TEX264: variants seen among roughly 807,000 people sequenced by gnomAD.
The protein encoded by TEX264 is testis-expressed protein 264.
In TEX264, 13 loss-of-function variants were observed where a neutral mutation model predicts 23.4. The observed-to-expected ratio is 0.56, with a 90% confidence interval of 0.36 to 0.88. The LOEUF is 0.88. Among genes scored for constraint, TEX264 ranks in the 40% least tolerant of loss-of-function variants. The pLI is 0.01. For missense variants in TEX264, 340 were observed against 406.8 expected (o/e 0.84, Z 1.41); for synonymous variants, 159 against 170.0 (o/e 0.94, Z 0.50).
chr3:51,687,297 C>G (rs749716054), intron 3 of TEX264, among the ~76,000 whole-genome samples: 1 of 152,178 alleles, frequency 6.6e-6, no homozygotes, highest in South Asian at 2.1e-4. Context: ...CCTGACCTTG[C>G]GTCTTGGGGA....
chr3:51,679,023 GACAGGTCTGGAAGC>G (rs1702329619), intron 2 of TEX264, among the ~76,000 whole-genome samples: 1 of 152,180 alleles, frequency 6.6e-6, no homozygotes, highest in Non-Finnish European at 1.5e-5. Flanking sequence ...AACTATGTGG[GACAGGTCTGGAAGC>G]ACGAGCTCCT....
intron 1 of TEX264, among the ~76,000 whole-genome samples, chr3:51,672,634 G>A (rs1304106216): frequency 6.6e-6 from 1 of 152,176 alleles, no homozygotes; most frequent in East Asian, 1.9e-4. Flanking sequence ...TCACCAGAGA[G>A]GAGAGAGAAA....
intron 1 of TEX264, among the ~76,000 whole-genome samples, chr3:51,673,567 T>C (rs1176804350): frequency 6.6e-6 from 1 of 152,222 alleles, no homozygotes; most frequent in Non-Finnish European, 1.5e-5. Flanking sequence ...ACATTGGTGG[T>C]TCAAGTCTGG....
At chr3:51,672,583 G>A (rs1459536913) in intron 1 of TEX264, among the ~76,000 whole-genome samples, 1 of 152,196 alleles carries the variant, frequency 6.6e-6, no homozygotes, top group East Asian at 1.9e-4. Flanking sequence ...GCTCAGAGAT[G>A]TCCAACAAGG....
intron 3 of TEX264, among the ~76,000 whole-genome samples, chr3:51,697,248 G>T (rs1703098396): frequency 6.6e-6 from 1 of 152,250 alleles, no homozygotes; most frequent in African/African-American, 2.4e-5. Context: ...AGAACAGGTG[G>T]CACAGGGTGG....
rs555547326 is a variant in TEX264, at chr3:51,682,649, T to C, written c.259-1764T>C. ...TTGTTTAATATGGCAGTTCTGTAAG[T>C]AGATATTGAGGAACTGGGGCTCCCA... On this transcript the variant is annotated intron_variant, in intron 2 of 4. Coordinates refer to ENST00000341333, the MANE Select transcript of TEX264 (RefSeq NM_015926.6). 5.9e-5 allele frequency: 9 copies of C among 152,268 alleles called. No homozygotes were observed. The South Asian group carries it at 1.9e-3, about 32-fold the overall frequency. 9.4% of individuals were successfully genotyped at this position (152,268 alleles called of 1,614,324 possible). A position where few individuals can be genotyped will look rare whatever the true frequency, so the allele number is the denominator to read the frequency against.
At chr3:51,672,854 G>GCATT (rs1702096640) in intron 1 of TEX264, among the ~76,000 whole-genome samples, 1 of 152,188 alleles carries the variant, frequency 6.6e-6, no homozygotes, top group Non-Finnish European at 1.5e-5. Flanking sequence ...CGTATAGTAA[G>GCATT]CATTCAGTGG....
chr3:51,674,361 G>A lies in TEX264; in HGVS notation c.57G>A (p.Leu19=). ...LIGGLTLLLL[L]TLLAFAGYSG... ...GGGGCCTGACTCTCTTACTGCTGCT[G>A]ACGCTGCTGGCCTTTGCCGGGTACT... The change falls in exon 2 of 5, where the codon CTG becomes CTA. Residue 19 remains leucine, a synonymous_variant. Coordinates refer to ENST00000341333, the MANE Select transcript of TEX264 (RefSeq NM_015926.6). 1 of 1,614,246 alleles carries A rather than the reference G, an allele frequency of 6.2e-7. No individual in the cohort carries two copies. Among genetic ancestry groups the A allele is most frequent in the Non-Finnish European group, 8.5e-7 (1 of 1,180,044 alleles).
chr3:51,686,592 A>T lies in TEX264; in HGVS notation c.480+1958A>T, dbSNP rs1308331968. ...CAAGGGCACAGGGAGAATAGAGGGG[A>T]GTTTCCTTTGTGAGCTGGAGGGTGG... On this transcript the variant is annotated intron_variant, in intron 3 of 4. Coordinates refer to ENST00000341333, the MANE Select transcript of TEX264 (RefSeq NM_015926.6). The surrounding 1 kb of genome is among the most constrained non-coding windows in gnomAD (Gnocchi z 4.1). Among the ~76,000 whole-genome samples the T allele has an allele frequency of 6.7e-6, 1 of 148,346 alleles. No individual in the cohort carries two copies. The highest frequency in any genetic ancestry group is 1.5e-5 in the Non-Finnish European group (1 of 67,166).
At chr3:51,688,836 A>G (rs914482424) in intron 3 of TEX264, among the ~76,000 whole-genome samples, 41 of 152,292 alleles carry the variant, frequency 2.7e-4, no homozygotes, top group African/African-American at 9.9e-4. Context: ...AGGGGCTTAA[A>G]GGGGATAAGG....
At chr3:51,676,626 GT>G (rs1319825324) in intron 2 of TEX264, among the ~76,000 whole-genome samples, 1 of 152,210 alleles carries the variant, frequency 6.6e-6, no homozygotes, top group Non-Finnish European at 1.5e-5. Context: ...ATCCCATAAT[GT>G]TTCTGAGCCT....
At chr3:51,680,200 G>A (rs901465572) in intron 2 of TEX264, among the ~76,000 whole-genome samples, 1 of 152,192 alleles carries the variant, frequency 6.6e-6, no homozygotes, top group African/African-American at 2.4e-5. Flanking sequence ...TGGGCCTGGG[G>A]TTGGCAGTTT....
chr3:51,695,678 A>G (rs1703029288), intron 3 of TEX264, among the ~76,000 whole-genome samples: 1 of 152,170 alleles, frequency 6.6e-6, no homozygotes, highest in Non-Finnish European at 1.5e-5. Context: ...AAATGCCTGC[A>G]CCCTGCCCAG....
At chr3:51,684,182 T>A (rs1702528102) in intron 2 of TEX264, 16 of 564,160 alleles carry the variant, frequency 2.8e-5, no homozygotes, top group Non-Finnish European at 3.2e-6. Flanking sequence ...CCACAGGGCA[T>A]GGCATGTTTG....
rs1041779843 is a variant in TEX264 at position 51,674,328 on chromosome 3, C to A, written c.24C>A (p.Gly8=). 6.2e-7 allele frequency: 1 copy of A among 1,614,080 alleles called. No individual in the cohort carries two copies. MSDLLLL[G]LIGGLTLLLL... ...CCATGTCGGACCTGCTACTACTGGG[C>A]CTGATTGGGGGCCTGACTCTCTTAC... is the stretch of plus-strand genomic sequence containing the variant. Residue 8 remains glycine (G), a synonymous_variant, in exon 2 of 5, where the codon GGC becomes GGA. Transcript: ENST00000341333.
chr3:51,701,413 C>T (rs533455285), intron 4 of TEX264, among the ~76,000 whole-genome samples: 3 of 151,686 alleles, frequency 2.0e-5, no homozygotes, highest in African/African-American at 4.8e-5. Flanking sequence ...TAACCTTTCC[C>T]TCCCAGGCTT....
chr3:51,694,085 G>GTCCGTCCTTCCT (rs1407573549), intron 3 of TEX264, among the ~76,000 whole-genome samples: 77 of 85,320 alleles, frequency 9.0e-4, no homozygotes, highest in South Asian at 6.2e-3. Flanking sequence ...CCTTCCGTCC[G>GTCCGTCCTTCCT]TCCTTCCTTC....
intron 4 of TEX264, among the ~76,000 whole-genome samples, chr3:51,701,183 C>T (rs1217516009): frequency 6.6e-6 from 1 of 152,106 alleles, no homozygotes; most frequent in Non-Finnish European, 1.5e-5. Context: ...GTCCCCTGCC[C>T]CAGTAGTCGT....
At chr3:51,682,685 G>C (rs1373753840) in intron 2 of TEX264, 1 of 152,196 alleles carries the variant, frequency 6.6e-6, no homozygotes, top group East Asian at 1.9e-4. Flanking sequence ...GAACCCAAGG[G>C]ACTTGTCTAG....
Sources: allele counts gnomAD v4.1 joint callset (sites outside exome capture counted in the v4.1 genomes callset), GRCh38; gene constraint gnomAD v4.1.1; non-coding constraint Gnocchi (gnomAD v3.1); transcripts MANE v1.5; gene names NCBI Gene and HGNC (gene_info 2026-07-23, HGNC 2026-07-21).